TTC7B: variants seen among roughly 807,000 people sequenced by gnomAD.
TTC7B encodes tetratricopeptide repeat protein 7B.
Under a neutral mutation model 106.8 loss-of-function variants are expected in TTC7B, and 28 were observed. That is an observed-to-expected ratio of 0.26 (90% CI 0.19 to 0.36). The LOEUF is 0.36. TTC7B is among the 10% of genes least tolerant of loss of function. The pLI, the probability that TTC7B is intolerant of heterozygous loss-of-function variation, is 1.00. For synonymous variants in TTC7B, 405 were observed against 430.6 expected, an observed-to-expected ratio of 0.94 and a Z score of 0.74; for missense variants, 862 against 1,076.4, an observed-to-expected ratio of 0.80 and a Z score of 2.79.
chr14:90,551,793 C>T (rs1250590067), intron 19 of TTC7B, among the ~76,000 whole-genome samples: 2 of 152,330 alleles, frequency 1.3e-5, no homozygotes, highest in East Asian at 1.9e-4. Context: ...TGGCAAGTGT[C>T]AGAGGCACTG....
chr14:90,670,354 G>A (rs781094273), intron 9 of TTC7B, among the ~76,000 whole-genome samples: 12 of 152,214 alleles, frequency 7.9e-5, no homozygotes, highest in Non-Finnish European at 1.5e-4. Flanking sequence ...TCGGGAAGGA[G>A]AGAATGAAAA....
chr14:90,610,786 T>G lies in TTC7B; in HGVS notation c.1922A>C (p.Gln641Pro). 6.2e-7 allele frequency: 1 copy of G among 1,614,130 alleles called. No individual in the cohort carries two copies. Among genetic ancestry groups the G allele is most frequent in the South Asian group, 1.1e-5 (1 of 91,080 alleles). Residue 641 changes from glutamine (Q) to proline (P), a missense_variant, in exon 17 of 20, where the codon CAG (glutamine) becomes CCG (proline). Transcript: ENST00000328459. ...GTCTGGCAAAGTAATTGTATTAAGCTGTCGTCTGTCAGCAATGGTTCTATC... is the reference window on the plus strand; with the variant it reads ...GTCTGGCAAAGTAATTGTATTAAGCGGTCGTCTGTCAGCAATGGTTCTATC... ...LLDRTIADRR[Q>P]LNTITLPDFS...
At chr14:90,767,042 A>AG (rs1344862632) in intron 3 of TTC7B, 54 of 822,326 alleles carry the variant, frequency 6.6e-5, no homozygotes, top group Middle Eastern at 7.5e-4. Context: ...AAAAAAAAAA[A>AG]AAAGAAAGAA....
intron 5 of TTC7B, among the ~76,000 whole-genome samples, chr14:90,723,058 C>A (rs1456258209): frequency 1.3e-5 from 2 of 152,248 alleles, no homozygotes; most frequent in Non-Finnish European, 2.9e-5. Flanking sequence ...CATGTTGACA[C>A]TTCCACTTAG....
rs1361636320 is a variant in TTC7B at position 90,757,499 on chromosome 14, C to T, written c.446-12577G>A. Reference sequence around the variant, plus strand: ...ATTCTCAAGGAAAAAAGATCGAGCTCTATCTTCTCTCCTGTCCTCTCTTTG... The same window carrying T: ...ATTCTCAAGGAAAAAAGATCGAGCTTTATCTTCTCTCCTGTCCTCTCTTTG... On this transcript the variant is annotated intron_variant, in intron 3 of 19. Coordinates refer to ENST00000328459, the MANE Select transcript of TTC7B (RefSeq NM_001010854.2). This position sits in a 1 kb window ranked among gnomAD's most constrained non-coding sequence, Gnocchi z 4.1. Among the ~76,000 whole-genome samples, 1 of 152,154 alleles carries T rather than the reference C, an allele frequency of 6.6e-6. No homozygotes were observed. Among genetic ancestry groups the T allele is most frequent in the African/African-American group, 2.4e-5 (1 of 41,442 alleles).
chr14:90,597,053 G>A (rs762871219), intron 17 of TTC7B, among the ~76,000 whole-genome samples: 3 of 152,140 alleles, frequency 2.0e-5, no homozygotes, highest in Non-Finnish European at 2.9e-5. Flanking sequence ...AAACATGGAC[G>A]TTTCCCCTAA....
intron 8 of TTC7B, among the ~76,000 whole-genome samples, chr14:90,677,660 T>C (rs1233900071): frequency 6.6e-6 from 1 of 152,202 alleles, no homozygotes; most frequent in Non-Finnish European, 1.5e-5. Context: ...AAGTGGTACA[T>C]GAGGTTCCGG....
intron 1 of TTC7B, among the ~76,000 whole-genome samples, chr14:90,804,568 G>A (rs1206169276): frequency 2.0e-5 from 3 of 152,216 alleles, no homozygotes; most frequent in African/African-American, 4.8e-5. Context: ...GGTTGTGAGT[G>A]CGGTGGAGCA....
intron 1 of TTC7B, among the ~76,000 whole-genome samples, chr14:90,809,457 G>A (rs1249527811): frequency 6.6e-6 from 1 of 152,248 alleles, no homozygotes; most frequent in East Asian, 1.9e-4. Context: ...CAATCAAGGA[G>A]GAAAATGGGT....
chr14:90,659,752 A>G (rs2139902529), intron 9 of TTC7B, among the ~76,000 whole-genome samples: 1 of 152,304 alleles, frequency 6.6e-6, no homozygotes, highest in South Asian at 2.1e-4. Context: ...CAAAGAAAAG[A>G]TGGAGATGAG....
chr14:90,656,845 C>T (rs1322736361), intron 11 of TTC7B, among the ~76,000 whole-genome samples: 2 of 152,198 alleles, frequency 1.3e-5, no homozygotes, highest in South Asian at 2.1e-4. Flanking sequence ...AATTCAGTGA[C>T]GTGTCTCTTC....
chr14:90,756,372 C>CTTTTTTTTTTG (rs1890294084), intron 3 of TTC7B, among the ~76,000 whole-genome samples: 6 of 139,756 alleles, frequency 4.3e-5, no homozygotes, highest in East Asian at 2.0e-4. Flanking sequence ...TTATTTTCTT[C>CTTTTTTTTTTG]TTTTTTTTTT....
chr14:90,714,196 C>T (rs1378117294), intron 5 of TTC7B, among the ~76,000 whole-genome samples: 1 of 151,664 alleles, frequency 6.6e-6, no homozygotes, highest in East Asian at 1.9e-4. Flanking sequence ...CGTCATCACA[C>T]TCCAGCCTGG....
At chr14:90,549,043 G>T (rs1393488924) in intron 19 of TTC7B, among the ~76,000 whole-genome samples, 1 of 151,748 alleles carries the variant, frequency 6.6e-6, no homozygotes, top group African/African-American at 2.4e-5. Context: ...CAGGAGAATG[G>T]TGTGAACCCA....
intron 6 of TTC7B, among the ~76,000 whole-genome samples, chr14:90,694,035 G>C (rs745443503): frequency 7.2e-5 from 11 of 152,202 alleles, no homozygotes; most frequent in Non-Finnish European, 1.6e-4. Flanking sequence ...AAAAAGGAAA[G>C]AAATACTGAT....
chr14:90,739,792 T>C (rs1889687220), intron 4 of TTC7B, among the ~76,000 whole-genome samples: 1 of 152,220 alleles, frequency 6.6e-6, no homozygotes, highest in South Asian at 2.1e-4. Flanking sequence ...GCTGGTTGGC[T>C]GATGCATGCA....
intron 13 of TTC7B, among the ~76,000 whole-genome samples, chr14:90,651,882 A>T (rs990247029): frequency 3.9e-5 from 6 of 152,240 alleles, no homozygotes; most frequent in Admixed American, 3.9e-4. Flanking sequence ...CTAAGGAAAG[A>T]GTCTAACGAA....
chr14:90,535,256 G>A lies in TTC7B; in HGVS notation c.*6112C>T, dbSNP rs778329304. On this transcript the variant is annotated 3_prime_UTR_variant, in exon 20 of 20. Transcript: ENST00000328459. Reference sequence around the variant, plus strand: ...CCGGCCACACCTGCCCAGGCCCCCAGCCTGGCTCTGTCCTGAGATCCTCTT... The same window carrying A: ...CCGGCCACACCTGCCCAGGCCCCCAACCTGGCTCTGTCCTGAGATCCTCTT... 6.6e-6 allele frequency: 1 copy of A among 152,408 alleles called. No individual in the cohort carries two copies. Among genetic ancestry groups the A allele is most frequent in the Non-Finnish European group, 1.5e-5 (1 of 68,168 alleles). 9.4% of individuals were successfully genotyped at this position (152,408 alleles called of 1,614,324 possible).
At chr14:90,684,096 A>G (rs1286175040) in intron 7 of TTC7B, among the ~76,000 whole-genome samples, 2 of 152,128 alleles carry the variant, frequency 1.3e-5, no homozygotes, top group Non-Finnish European at 2.9e-5. Flanking sequence ...TACACTCAAT[A>G]TTCCATGATA....
Sources: gnomAD v4.1 joint callset for allele counts (sites outside exome capture counted in the v4.1 genomes callset) on GRCh38, gnomAD v4.1.1 for gene constraint, Gnocchi (gnomAD v3.1) non-coding constraint, MANE v1.5 for transcripts, NCBI Gene and HGNC (gene_info 2026-07-23, HGNC 2026-07-21) for gene names.